The following TYW5 variants were observed in gnomAD, a reference collection of about 807,000 sequenced individuals.
TYW5 encodes tRNA wybutosine-synthesizing protein 5.
TYW5 carries 36 observed loss-of-function variants against 44.4 expected under a neutral mutation model. The observed-to-expected ratio is 0.81, with a 90% CI of 0.62 to 1.07. TYW5 has a LOEUF of 1.07. Among genes scored for constraint, TYW5 ranks in the 50% least tolerant of loss-of-function variants. The probability of loss-of-function intolerance (pLI) is 0.00; values close to 1 mark genes in which losing one functional copy is unlikely to be tolerated. For missense variants in TYW5, 354 were observed against 365.7 expected, an observed-to-expected ratio of 0.97 and a Z score of 0.26; for synonymous variants, 121 against 128.1, an observed-to-expected ratio of 0.94 and a Z score of 0.37.
At chr2:199,933,594 T>A (rs1370132706) in intron 7 of TYW5, among the ~76,000 whole-genome samples, 3 of 152,214 alleles carry the variant, frequency 2.0e-5, no homozygotes, top group Non-Finnish European at 4.4e-5. Flanking sequence ...ATAATAAAGA[T>A]ATATTTGTTT....
rs1257937483 is a variant in TYW5 at position 199,929,762 on chromosome 2, T to C, written c.*3305A>G. Among the ~76,000 whole-genome samples the C allele has an allele frequency of 6.6e-6, 1 of 152,008 alleles. No homozygotes were observed. The highest frequency in any genetic ancestry group is 2.4e-5 in the African/African-American group (1 of 41,402). On this transcript the variant is annotated 3_prime_UTR_variant, in exon 8 of 8. Coordinates refer to ENST00000354611, the MANE Select transcript of TYW5 (RefSeq NM_001039693.3). ...AGTTAGAAATTAATTACAGGACAAA[T>C]AGAATTCTAATGTATTCAAATACCA...
chr2:199,935,866 A>T, intron 7 of TYW5, 65 bp downstream of exon 7: 1 of 1,056,468 alleles, frequency 9.5e-7, no homozygotes, highest in Non-Finnish European at 1.4e-6. Flanking sequence ...AAAAAATCAC[A>T]TGAAGGATGA....
chr2:199,936,566 T>G, intron 5 of TYW5, 74 bp from the exon 6 acceptor site: 1 of 1,237,612 alleles, frequency 8.1e-7, no homozygotes, highest in Non-Finnish European at 1.2e-6. Flanking sequence ...CATGCTAAAC[T>G]TTAACTGCAA....
intron 1 of TYW5, among the ~76,000 whole-genome samples, chr2:199,950,007 C>T (rs1382542675): frequency 3.3e-5 from 5 of 151,954 alleles, no homozygotes; most frequent in African/African-American, 9.7e-5. Flanking sequence ...AAAAAGAACC[C>T]GACGTCTTTT....
At position 199,937,258 on chromosome 2, in the gene TYW5, A is replaced by G. The variant is rs544701123; in HGVS notation, c.487-766T>C. 2.0e-5 allele frequency among the ~76,000 whole-genome samples: 3 copies of G among 152,236 alleles called. No homozygotes were observed. In the South Asian group the frequency reaches 6.2e-4, roughly 32 times the overall value. On this transcript the variant is annotated intron_variant, in intron 5 of 7. Transcript: ENST00000354611. ...TACTAACCCTTTACTCATGTAAACC[A>G]TAACTATACAATTCAAACTAGCGTT...
intron 5 of TYW5, among the ~76,000 whole-genome samples, chr2:199,937,107 C>G (rs1401883727): frequency 1.3e-5 from 2 of 151,596 alleles, no homozygotes; most frequent in Non-Finnish European, 2.9e-5. Flanking sequence ...GGTATACTTT[C>G]TTGGTATAGA....
At chr2:199,938,472 C>T (rs964727074) in intron 5 of TYW5, among the ~76,000 whole-genome samples, 7 of 152,160 alleles carry the variant, frequency 4.6e-5, no homozygotes, top group Non-Finnish European at 8.8e-5. Flanking sequence ...CAAATTCTTA[C>T]AATTGGTAAT....
rs33943305 is a variant in TYW5, at chr2:199,929,554, ATTT to A, written c.*3510_*3512del. ...CCAGGCCTGCCTTCCAGCTTCCTGC[ATTT>A]TTTTTTTTTTTTTTTTGTCAACTCC... On this transcript the variant is annotated 3_prime_UTR_variant, in exon 8 of 8. Transcript: ENST00000354611. 2.7e-4 allele frequency among the ~76,000 whole-genome samples: 29 copies of A among 107,522 alleles called. No homozygotes were observed. Among genetic ancestry groups the A allele is most frequent in the African/African-American group, 8.5e-4 (25 of 29,540 alleles). 70.5% of individuals were successfully genotyped at this position (107,522 alleles called of 152,430 possible). A position where few individuals can be genotyped will look rare whatever the true frequency, so the allele number is the denominator to read the frequency against.
At chr2:199,950,119 G>T (rs181554958) in intron 1 of TYW5, among the ~76,000 whole-genome samples, 2 of 151,872 alleles carry the variant, frequency 1.3e-5, no homozygotes, top group Non-Finnish European at 2.9e-5. Flanking sequence ...TATGTATATC[G>T]CACAAATATA....
chr2:199,936,144 T>C, intron 6 of TYW5, 97 bp from the exon 7 acceptor site: 1 of 815,678 alleles, frequency 1.2e-6, no homozygotes, highest in Non-Finnish European at 2.0e-6. Context: ...TTCTTTTCTA[T>C]CCAGTTACTT....
chr2:199,954,287 A>G (rs372740437), intron 1 of TYW5, among the ~76,000 whole-genome samples: 1 of 151,188 alleles, frequency 6.6e-6, no homozygotes, highest in East Asian at 2.0e-4. Context: ...TTTTTTGTAC[A>G]GACGGGGATT....
At position 199,945,767 on chromosome 2, in the gene TYW5, A is replaced by C. The variant is rs2077499400; in HGVS notation, c.234-1933T>G. 3 of 152,378 alleles carry C rather than the reference A, an allele frequency of 2.0e-5. No individual in the cohort carries two copies. The South Asian group carries it at 6.2e-4, about 32-fold the overall frequency. 9.4% of individuals were successfully genotyped at this position (152,378 alleles called of 1,614,324 possible). On this transcript the variant is annotated intron_variant, in intron 2 of 7. Transcript: ENST00000354611. Reference sequence around the variant, plus strand: ...AACAGAACAGTGACCCTGAAAGAGCAGACAGAGTAGCTCAGCCCAGATAAG... The same window carrying C: ...AACAGAACAGTGACCCTGAAAGAGCCGACAGAGTAGCTCAGCCCAGATAAG...
Position 199,955,473 on chromosome 2 carries a change from T to C in TYW5, c.-3A>G, listed in dbSNP as rs1304625233. 1.2e-6 allele frequency: 2 copies of C among 1,613,626 alleles called. No individual in the cohort carries two copies. The highest frequency in any genetic ancestry group is 1.7e-5 in the Admixed American group (1 of 59,988). The stretch of plus-strand genomic sequence containing the variant: ...ACCGGGAGGTGCTGCCCGGCCATGG[T>C]TGCTCACGCCTGCCCTCTTCCAGGT... On this transcript the variant is annotated 5_prime_UTR_variant, in exon 1 of 8. Transcript: ENST00000354611.
At chr2:199,943,945 T>C in intron 2 of TYW5, 111 bp from the exon 3 acceptor site, 1 of 663,072 alleles carries the variant, frequency 1.5e-6, no homozygotes, top group Non-Finnish European at 2.5e-6. Flanking sequence ...TCCTGTTTTA[T>C]AATATCTGTA....
chr2:199,938,833 AGAT>A (rs2077441575), intron 5 of TYW5, 97 bp downstream of exon 5: 47 of 1,243,932 alleles, frequency 3.8e-5, no homozygotes, highest in Non-Finnish European at 4.9e-5. Context: ...CAAATTACAC[AGAT>A]GTTTAGGGTA....
intron 1 of TYW5, among the ~76,000 whole-genome samples, chr2:199,950,231 G>A (rs1448615736): frequency 6.6e-6 from 1 of 152,018 alleles, no homozygotes; most frequent in Non-Finnish European, 1.5e-5. Flanking sequence ...TACCTAACAG[G>A]TGTACGTATG....
In TYW5 at chr2:199,936,284, TA is replaced by T. The variant is rs1299746314; in HGVS notation, c.574+120del. The T allele has an allele frequency of 9.5e-6, 8 of 843,286 alleles. No homozygotes were observed. In the African/African-American group the frequency reaches 1.4e-4, roughly 14 times the overall value. The allele number at this position is 843,286 out of a possible 1,614,324, so 52.2% of individuals were successfully genotyped here. A position where few individuals can be genotyped will look rare whatever the true frequency, so the allele number is the denominator to read the frequency against. On this transcript the variant is annotated intron_variant, in intron 6 of 7. Coordinates refer to ENST00000354611, the MANE Select transcript of TYW5 (RefSeq NM_001039693.3). ...TCAAATTTGAACCTGTTATTACATATATACACAAATACAATTAGGATTAAGT... is the reference window on the plus strand; with the variant it reads ...TCAAATTTGAACCTGTTATTACATATTACACAAATACAATTAGGATTAAGT...
intron 6 of TYW5, 69 bp from the exon 7 acceptor site, chr2:199,936,116 T>G (rs1425470142): frequency 3.1e-6 from 3 of 963,556 alleles, no homozygotes; most frequent in African/African-American, 1.6e-5. Flanking sequence ...TAATCACAAA[T>G]ATAAATTTGA....
At chr2:199,948,528 A>C in intron 1 of TYW5, 56 bp from the exon 2 acceptor site, 2 of 1,588,700 alleles carry the variant, frequency 1.3e-6, no homozygotes, top group Non-Finnish European at 1.7e-6. Context: ...ACACATCAAG[A>C]GCTGTATTTG....
Sources: gnomAD v4.1 joint callset for allele counts (sites outside exome capture counted in the v4.1 genomes callset) on GRCh38, gnomAD v4.1.1 for gene constraint, MANE v1.5 for transcripts, NCBI Gene and HGNC (gene_info 2026-07-23, HGNC 2026-07-21) for gene names.